Variants in LRIG3 observed in about 807,000 individuals in gnomAD.
LRIG3 encodes the protein leucine-rich repeats and immunoglobulin-like domains protein 3.
A neutral mutation model predicts 114.5 loss-of-function variants in LRIG3; 76 were observed. The ratio of observed to expected loss-of-function variants is 0.66; its 90% CI spans 0.55 to 0.80. LRIG3 has a LOEUF of 0.80. LRIG3 is among the 30% of genes least tolerant of loss of function. The pLI, the probability that LRIG3 is intolerant of heterozygous loss-of-function variation, is 0.00. For missense variants in LRIG3, 1,239 were observed against 1,382.8 expected (o/e 0.90, Z 1.65); for synonymous variants, 512 against 519.8 (o/e 0.98, Z 0.20).
In LRIG3 at chr12:58,886,813, C is replaced by A; in HGVS notation, c.1169G>T (p.Arg390Leu). The change falls in exon 9 of 19, where the codon CGA (arginine) becomes CTA (leucine). Residue 390 changes from arginine to leucine, a missense_variant. Arg to Leu is a moderately radical substitution (Grantham distance 102). Transcript: ENST00000320743. ...GAFSGLDKLR[R>L]LILQGNRIRS... ...TTATGAGGCAATTCATACTCACAGT[C>A]GCCTCAGTTTGTCAAGCCCAGAGAA... 2 of 1,612,736 alleles carry A rather than the reference C, an allele frequency of 1.2e-6. No individual in the cohort carries two copies. Among genetic ancestry groups the A allele is most frequent in the South Asian group, 1.1e-5 (1 of 90,978 alleles).
At chr12:58,918,444 T>A (rs1182254601) in intron 1 of LRIG3, among the ~76,000 whole-genome samples, 1 of 152,198 alleles carries the variant, frequency 6.6e-6, no homozygotes, top group Non-Finnish European at 1.5e-5. Context: ...AGAAAAAAAG[T>A]ACTGCACACT....
intron 3 of LRIG3, among the ~76,000 whole-genome samples, chr12:58,907,015 G>T (rs1183442413): frequency 2.7e-5 from 4 of 149,342 alleles, no homozygotes; most frequent in Non-Finnish European, 5.9e-5. Context: ...AAGCATGGAA[G>T]AAGCTTCCTG....
chr12:58,914,131 C>T (rs934875161), intron 2 of LRIG3, 75 bp from the exon 3 acceptor site: 6 of 1,531,162 alleles, frequency 3.9e-6, no homozygotes, highest in African/African-American at 1.4e-5. Flanking sequence ...GAAAACTTTA[C>T]ATATTATTTC....
chr12:58,915,163 A>C (rs1872430970), intron 1 of LRIG3, among the ~76,000 whole-genome samples: 1 of 152,252 alleles, frequency 6.6e-6, no homozygotes, highest in South Asian at 2.1e-4. Context: ...AAATTCCAGC[A>C]AATATTCTTG....
At chr12:58,873,885 C>T in intron 18 of LRIG3, 170 bp downstream of exon 18, 1 of 729,988 alleles carries the variant, frequency 1.4e-6, no homozygotes, top group Non-Finnish European at 2.3e-6. Context: ...TAAAATCCCA[C>T]CTCTGACTTT....
chr12:58,890,515 T>C (rs554145925), intron 4 of LRIG3, 150 bp downstream of exon 4: 3 of 643,306 alleles, frequency 4.7e-6, no homozygotes, highest in African/African-American at 1.9e-5. Flanking sequence ...CTGAAGATTG[T>C]GGTCATTCGA....
At chr12:58,885,274 G>C (rs1871240239) in intron 10 of LRIG3, among the ~76,000 whole-genome samples, 1 of 152,104 alleles carries the variant, frequency 6.6e-6, no homozygotes, top group African/African-American at 2.4e-5. Context: ...ACAACAATAA[G>C]AGACCAACAA....
chr12:58,890,712 A>T lies in LRIG3; in HGVS notation c.468T>A (p.Asn156Lys). The stretch of plus-strand genomic sequence containing the variant: ...GAAATGCAGTTTGGAGCTCTGAAAT[A>T]TTGTTGCTGCTAAGGTCCAAAGTTT... ...SLETLDLSSN[N>K]ISELQTAFPA... is the part of the protein sequence containing the mutation. The change falls in exon 4 of 19, where the codon AAT becomes AAA. Residue 156 changes from asparagine to lysine, a missense_variant. Asn to Lys is a moderately conservative substitution (Grantham distance 94). Coordinates refer to ENST00000320743, the MANE Select transcript of LRIG3 (RefSeq NM_153377.5). The T allele has an allele frequency of 6.2e-7, 1 of 1,608,216 alleles. No individual in the cohort carries two copies. The highest frequency in any genetic ancestry group is 1.3e-5 in the African/African-American group (1 of 74,664).
chr12:58,874,627 T>TTC, intron 16 of LRIG3, 54 bp from the exon 17 acceptor site: 1 of 1,602,338 alleles, frequency 6.2e-7, no homozygotes, highest in Non-Finnish European at 8.5e-7. Context: ...CCATTCAACA[T>TTC]TCTCCCCAGT....
chr12:58,883,604 C>T lies in LRIG3; in HGVS notation c.1245-13G>A. On this transcript the variant is annotated splice_polypyrimidine_tract_variant and intron_variant, in intron 10 of 18. Transcript: ENST00000320743. Reference sequence around the variant, plus strand: ...GTCACTCAGGTCTCTGAAAAATCACCAAATCAAATGCATCAGAGCAAACTA... The same window carrying T: ...GTCACTCAGGTCTCTGAAAAATCACTAAATCAAATGCATCAGAGCAAACTA... 1 of 1,531,838 alleles carries T rather than the reference C, an allele frequency of 6.5e-7. No individual in the cohort carries two copies. Among genetic ancestry groups the T allele is most frequent in the Non-Finnish European group, 8.9e-7 (1 of 1,122,816 alleles). 94.9% of individuals were successfully genotyped at this position (1,531,838 alleles called of 1,614,324 possible).
At chr12:58,913,786 T>C in intron 3 of LRIG3, 196 bp downstream of exon 3, 1 of 550,990 alleles carries the variant, frequency 1.8e-6, no homozygotes, top group Non-Finnish European at 3.2e-6. Flanking sequence ...TGTGTTGTTA[T>C]AAGAATACAT....
chr12:58,920,340 G>C lies in LRIG3; in HGVS notation c.-105C>G. The C allele has an allele frequency of 1.2e-6, 1 of 812,990 alleles. No individual in the cohort carries two copies. Among genetic ancestry groups the C allele is most frequent in the Non-Finnish European group, 1.7e-6 (1 of 591,264 alleles). The allele number at this position is 812,990 out of a possible 1,614,324, so 50.4% of individuals were successfully genotyped here. ...GGTGCACGCCCGCCCTCGCGGTCGC[G>C]TGCGCGCTCCTCCCTCGCGCTGCCC... On this transcript the variant is annotated 5_prime_UTR_variant, in exon 1 of 19. Transcript: ENST00000320743.
Position 58,876,539 on chromosome 12 carries a change from C to T in LRIG3, c.2601G>A (p.Arg867=). 6.2e-7 allele frequency: 1 copy of T among 1,614,162 alleles called. No homozygotes were observed. The highest frequency in any genetic ancestry group is 1.1e-5 in the South Asian group (1 of 91,088). Residue 867 remains arginine, a synonymous_variant, in exon 16 of 19, where the codon AGG becomes AGA. Transcript: ENST00000320743. ...TTTCTGAAGACACGTACCCATCCTG[C>T]CTGTCAGCTAACGTTCCCTGAGATG... ...YLSSQGTLAD[R]QDGYVSSESG...
At chr12:58,907,539 C>T (rs1872111475) in intron 3 of LRIG3, among the ~76,000 whole-genome samples, 1 of 152,190 alleles carries the variant, frequency 6.6e-6, no homozygotes, top group South Asian at 2.1e-4. Flanking sequence ...GCTCCTCTGC[C>T]AAGCCCACCA....
At chr12:58,903,140 G>T (rs11172814) in intron 3 of LRIG3, among the ~76,000 whole-genome samples, 12,315 of 152,148 alleles carry the variant, frequency 0.081, 1,007 homozygotes, top group African/African-American at 0.2. Context: ...CCTGAGGAAT[G>T]GCCACACTGA....
chr12:58,904,515 G>T (rs1871988418), intron 3 of LRIG3, among the ~76,000 whole-genome samples: 1 of 152,166 alleles, frequency 6.6e-6, no homozygotes, highest in African/African-American at 2.4e-5. Context: ...ATAAGTATCG[G>T]TAATACAAGA....
rs964924453 is a variant in LRIG3, at chr12:58,920,430, A to G, written c.-195T>C. 8 of 413,860 alleles carry G rather than the reference A, an allele frequency of 1.9e-5. No individual in the cohort carries two copies. Among genetic ancestry groups the G allele is most frequent in the Non-Finnish European group, 2.9e-5 (7 of 238,304 alleles). The allele number at this position is 413,860 out of a possible 1,614,324, so 25.6% of individuals were successfully genotyped here. A position where few individuals can be genotyped will look rare whatever the true frequency, so the allele number is the denominator to read the frequency against. On this transcript the variant is annotated 5_prime_UTR_variant, in exon 1 of 19. Transcript: ENST00000320743. ...CATGCCCCCAAACAGCAGGAGGGAA[A>G]CCGAAAAGAACTGCCAACTGCAACA...
At chr12:58,881,575 A>C (rs1046048014) in intron 12 of LRIG3, among the ~76,000 whole-genome samples, 1 of 152,222 alleles carries the variant, frequency 6.6e-6, no homozygotes, top group Non-Finnish European at 1.5e-5. Flanking sequence ...CAACTCTTTC[A>C]TTCTAACAGT....
chr12:58,874,821 A>G (rs1340907540), intron 16 of LRIG3, among the ~76,000 whole-genome samples: 1 of 152,236 alleles, frequency 6.6e-6, no homozygotes, highest in Non-Finnish European at 1.5e-5. Flanking sequence ...CAGATCCTGC[A>G]GCCAAAGCAG....
Sources: gnomAD v4.1 joint callset for allele counts (sites outside exome capture counted in the v4.1 genomes callset) on GRCh38, gnomAD v4.1.1 for gene constraint, MANE v1.5 for transcripts, NCBI Gene and HGNC (gene_info 2026-07-23, HGNC 2026-07-21) for gene names.